NPIPB2: variants seen among roughly 807,000 people sequenced by gnomAD.
NPIPB2 encodes the protein nuclear pore complex interacting protein family member B2.
Under a neutral mutation model 30.8 loss-of-function variants are expected in NPIPB2, and 27 were observed. That is an observed-to-expected ratio of 0.88 (90% CI 0.65 to 1.21). The LOEUF is 1.21. NPIPB2 is among the 50% of genes most tolerant of loss of function. The probability of loss-of-function intolerance (pLI) is 0.00; values close to 1 mark genes in which losing one functional copy is unlikely to be tolerated. For synonymous variants in NPIPB2, 147 were observed against 162.0 expected (o/e 0.91, Z 0.70); for missense variants, 440 against 446.2 (o/e 0.99, Z 0.13).
At chr16:11,975,891 G>A (rs904860572) in intron 1 of NPIPB2, among the ~76,000 whole-genome samples, 6 of 151,898 alleles carry the variant, frequency 4.0e-5, no homozygotes, top group South Asian at 2.1e-4. Flanking sequence ...ACCGCGTCCG[G>A]CCTAGGAGCC....
upstream of NPIPB2, chr16:11,976,640 G>A: frequency 2.4e-6 from 1 of 408,808 alleles, no homozygotes; most frequent in Non-Finnish European, 4.1e-6. Flanking sequence ...CTGCGCCGCG[G>A]TTTACGTTCC....
Position 11,951,619 on chromosome 16 carries a change from T to TACCCATACAC in NPIPB2, c.-583-9506_-583-9505insGTGTATGGGT, listed in dbSNP as rs1555509396. ...CACTGATACAGATGGACACTGCACATACACATACACACACACACACACACA... is the reference window on the plus strand; with the variant it reads ...CACTGATACAGATGGACACTGCACATACCCATACACACACATACACACACACACACACACA... On this transcript the variant is annotated intron_variant, in intron 1 of 5. Coordinates refer to the NPIPB2 transcript ENST00000538896. Among the ~76,000 whole-genome samples, 285 of 115,852 alleles carry TACCCATACAC rather than the reference T, an allele frequency of 2.5e-3. 1 individual carries two copies. Among genetic ancestry groups the TACCCATACAC allele is most frequent in the Non-Finnish European group, 3.8e-3 (210 of 55,024 alleles). The allele number at this position is 115,852 out of a possible 152,430, so 76.0% of individuals were successfully genotyped here. A position where few individuals can be genotyped will look rare whatever the true frequency, so the allele number is the denominator to read the frequency against.
upstream of NPIPB2, among the ~76,000 whole-genome samples, chr16:11,944,031 G>C (rs1393479775): frequency 3.2e-5 from 4 of 124,368 alleles, no homozygotes; most frequent in African/African-American, 1.2e-4. Flanking sequence ...AAAACTAATA[G>C]TATAATTTAT....
chr16:11,970,279 C>A (rs941007309), intron 1 of NPIPB2, among the ~76,000 whole-genome samples: 3 of 152,186 alleles, frequency 2.0e-5, no homozygotes, highest in African/African-American at 7.2e-5. Context: ...GTTGTGCTAT[C>A]TGAGCTCACT....
chr16:11,965,250 TG>T (rs1408685459), intron 1 of NPIPB2: 2 of 1,580,484 alleles, frequency 1.3e-6, no homozygotes, highest in African/African-American at 2.7e-5. Flanking sequence ...GCATTTGCTC[TG>T]GAATTCTTGT....
At chr16:11,947,624 G>A (rs527819936) in intron 1 of NPIPB2, among the ~76,000 whole-genome samples, 8 of 151,988 alleles carry the variant, frequency 5.3e-5, no homozygotes, top group Non-Finnish European at 7.4e-5. Flanking sequence ...GATTACAGGC[G>A]TGAGCCACCG....
At chr16:11,949,379 A>G (rs1248061515) in intron 1 of NPIPB2, among the ~76,000 whole-genome samples, 7 of 152,310 alleles carry the variant, frequency 4.6e-5, no homozygotes, top group African/African-American at 9.6e-5. Context: ...CCAGCGCTAC[A>G]TAGCTGGTAG....
At chr16:11,970,803 G>A (rs1170972321) in intron 1 of NPIPB2, among the ~76,000 whole-genome samples, 1 of 151,738 alleles carries the variant, frequency 6.6e-6, no homozygotes, top group Non-Finnish European at 1.5e-5. Flanking sequence ...CAAAGTGCTG[G>A]CATTACAGGC....
At chr16:11,948,955 T>C (rs536105662) in intron 1 of NPIPB2, among the ~76,000 whole-genome samples, 1 of 151,088 alleles carries the variant, frequency 6.6e-6, no homozygotes, top group East Asian at 1.9e-4. Flanking sequence ...CTGGGCAACA[T>C]AGCAAGACAC....
At chr16:11,947,766 C>T (rs1376523874) in intron 1 of NPIPB2, among the ~76,000 whole-genome samples, 1 of 151,272 alleles carries the variant, frequency 6.6e-6, no homozygotes, top group African/African-American at 2.4e-5. Context: ...ACAAATTACC[C>T]CTTGTGATTT....
upstream of NPIPB2, among the ~76,000 whole-genome samples, chr16:11,943,997 C>CAAATAAAA (rs2054973416): frequency 2.0e-5 from 1 of 50,348 alleles, no homozygotes; most frequent in Non-Finnish European, 3.3e-5. Flanking sequence ...GACTCTGTCT[C>CAAATAAAA]AAAAAAAAAA....
exon 8 of NPIPB2, chr16:11,927,461 CGCCTCTTGGGTTCGGGTGGTG>C (rs746147223): frequency 4.3e-6 from 5 of 1,174,962 alleles, no homozygotes; most frequent in African/African-American, 2.6e-5. Flanking sequence ...AGCGGCCCTC[CGCCTCTTGGGTTCGGGTGGTG>C]ATTCCACCTC....
intron 1 of NPIPB2, chr16:11,965,571 A>G: frequency 9.2e-7 from 1 of 1,087,856 alleles, no homozygotes; most frequent in Non-Finnish European, 1.3e-6. Flanking sequence ...AATCAAAAAG[A>G]GAAAGGAAGC....
At chr16:11,972,028 C>T (rs958489032) in intron 1 of NPIPB2, among the ~76,000 whole-genome samples, 1 of 151,894 alleles carries the variant, frequency 6.6e-6, no homozygotes, top group African/African-American at 2.4e-5. Flanking sequence ...CACCTGTAAT[C>T]CCAGCTACTC....
At chr16:11,941,356 G>A in intron 1 of NPIPB2, 1 of 289,212 alleles carries the variant, frequency 3.5e-6, no homozygotes, top group South Asian at 2.5e-5. Flanking sequence ...GGGAGGGGGA[G>A]GGGAGGGGGA....
In NPIPB2 at chr16:11,937,836, CAT is replaced by C. The variant is rs1230569269; in HGVS notation, c.64-170_64-169del. On this transcript the variant is annotated intron_variant, in intron 1 of 7. Transcript: ENST00000399147. ...AAAAAAGAACAGAAGTTAGAAGTCA[CAT>C]GTTTTTCAGATGGCTGGTAGTGTTT... Among the ~76,000 whole-genome samples, 37 of 152,334 alleles carry C rather than the reference CAT, an allele frequency of 2.4e-4. No individual in the cohort carries two copies. In the East Asian group the frequency reaches 7.1e-3, roughly 29 times the overall value.
intron 1 of NPIPB2, among the ~76,000 whole-genome samples, chr16:11,970,933 A>G (rs1450531740): frequency 6.6e-6 from 1 of 151,180 alleles, no homozygotes; most frequent in Non-Finnish European, 1.5e-5. Context: ...GGCTCACTGC[A>G]GCCTCGACCT....
intron 1 of NPIPB2, among the ~76,000 whole-genome samples, chr16:11,965,971 C>T (rs1382943745): frequency 6.6e-6 from 1 of 151,996 alleles, no homozygotes; most frequent in African/African-American, 2.4e-5. Flanking sequence ...ATTAGCTGGG[C>T]ATGGTGGCAC....
intron 1 of NPIPB2, among the ~76,000 whole-genome samples, chr16:11,973,162 C>CAAAAA (rs34947493): frequency 2.7e-5 from 2 of 73,038 alleles, no homozygotes; most frequent in African/African-American, 8.6e-5. Flanking sequence ...GTGAAACTGT[C>CAAAAA]AAAAAAAAAA....
Sources: allele counts gnomAD v4.1 joint callset (sites outside exome capture counted in the v4.1 genomes callset), GRCh38; gene constraint gnomAD v4.1.1; transcripts MANE v1.5; gene names NCBI Gene and HGNC (gene_info 2026-07-23, HGNC 2026-07-21).